The following ROBO1 variants were observed in gnomAD, a reference collection of about 807,000 sequenced individuals.
ROBO1 encodes the protein roundabout guidance receptor 1.
ROBO1 carries 149 observed loss-of-function variants against 195.9 expected under a neutral mutation model. The ratio of observed to expected loss-of-function variants is 0.76; its 90% confidence interval spans 0.67 to 0.87. The LOEUF (loss-of-function observed/expected upper bound fraction) is 0.87. ROBO1 is among the 40% of genes least tolerant of loss of function. ROBO1 has a pLI of 0.00. For missense variants in ROBO1, 1,933 were observed against 2,068.3 expected (o/e 0.93, Z 1.27); for synonymous variants, 816 against 733.2 (o/e 1.11, Z -1.82).
intron 4 of ROBO1, among the ~76,000 whole-genome samples, chr3:78,866,847 T>G (rs986573008): frequency 6.6e-6 from 1 of 152,222 alleles, no homozygotes; most frequent in South Asian, 2.1e-4. Flanking sequence ...AAAATAAATA[T>G]AGTCTGTAAT....
chr3:78,787,630 A>G (rs1363945976), intron 4 of ROBO1, among the ~76,000 whole-genome samples: 1 of 152,204 alleles, frequency 6.6e-6, no homozygotes, highest in Non-Finnish European at 1.5e-5. Context: ...TACCACAGCT[A>G]GTTTAAAAAT....
At chr3:79,376,685 A>C (rs2036397437) in intron 2 of ROBO1, among the ~76,000 whole-genome samples, 1 of 152,168 alleles carries the variant, frequency 6.6e-6, no homozygotes, top group South Asian at 2.1e-4. Flanking sequence ...CTCCCCAGCC[A>C]TGTAGAACTG....
chr3:78,961,105 C>T (rs1195685778), intron 3 of ROBO1, among the ~76,000 whole-genome samples: 1 of 152,172 alleles, frequency 6.6e-6, no homozygotes, highest in African/African-American at 2.4e-5. Flanking sequence ...AAAATTCCCT[C>T]TCTCTGAATT....
chr3:79,259,211 C>T (rs2082893353), intron 2 of ROBO1, among the ~76,000 whole-genome samples: 1 of 152,080 alleles, frequency 6.6e-6, no homozygotes, highest in Non-Finnish European at 1.5e-5. Flanking sequence ...GTGGTGCAAT[C>T]TTGGTTCACA....
intron 2 of ROBO1, among the ~76,000 whole-genome samples, chr3:79,352,969 T>C (rs1259471580): frequency 8.5e-5 from 13 of 152,172 alleles, no homozygotes; most frequent in Admixed American, 8.5e-4. Context: ...TGTGACTCTA[T>C]TATTATTGTA....
intron 2 of ROBO1, among the ~76,000 whole-genome samples, chr3:79,319,866 C>T (rs747723519): frequency 2.2e-4 from 33 of 152,072 alleles, no homozygotes; most frequent in African/African-American, 5.3e-4. Flanking sequence ...TAAGTTTTAT[C>T]GGCTTTATGC....
intron 3 of ROBO1, among the ~76,000 whole-genome samples, chr3:78,947,797 G>C (rs984341871): frequency 3.9e-5 from 6 of 152,042 alleles, no homozygotes; most frequent in African/African-American, 1.2e-4. Flanking sequence ...AAGAAGAAAA[G>C]AGAGAAGAAT....
chr3:79,472,545 AC>A (rs1172417188), intron 2 of ROBO1, among the ~76,000 whole-genome samples: 2 of 152,198 alleles, frequency 1.3e-5, no homozygotes, highest in African/African-American at 4.8e-5. Flanking sequence ...GAGAAGAGGT[AC>A]TACTTTGGCA....
intron 2 of ROBO1, among the ~76,000 whole-genome samples, chr3:79,504,756 A>G (rs1055106213): frequency 2.0e-5 from 3 of 152,160 alleles, no homozygotes; most frequent in Non-Finnish European, 4.4e-5. Context: ...CTTACTGCCT[A>G]GTTAACAGGC....
At chr3:79,224,680 T>C (rs1217691188) in intron 2 of ROBO1, among the ~76,000 whole-genome samples, 3 of 152,222 alleles carry the variant, frequency 2.0e-5, no homozygotes, top group Non-Finnish European at 4.4e-5. Flanking sequence ...AACTTCTTTT[T>C]TGGAATTATC....
intron 1 of ROBO1, among the ~76,000 whole-genome samples, chr3:79,601,141 C>A (rs536351952): frequency 6.6e-6 from 1 of 151,916 alleles, no homozygotes; most frequent in Non-Finnish European, 1.5e-5. Context: ...AGATGGAATT[C>A]GAAAGAACAG....
chr3:79,415,971 C>T (rs1316834689), intron 2 of ROBO1, among the ~76,000 whole-genome samples: 1 of 151,960 alleles, frequency 6.6e-6, no homozygotes, highest in Non-Finnish European at 1.5e-5. Flanking sequence ...ATGAAAAGAA[C>T]TTAATGTTCC....
chr3:79,506,981 A>C (rs931413859), intron 2 of ROBO1, among the ~76,000 whole-genome samples: 6 of 152,228 alleles, frequency 3.9e-5, no homozygotes, highest in African/African-American at 1.4e-4. Context: ...ACACACTGCC[A>C]GTGCTTTATG....
chr3:78,901,095 C>A (rs926849201), intron 4 of ROBO1, among the ~76,000 whole-genome samples: 1 of 152,162 alleles, frequency 6.6e-6, no homozygotes, highest in Non-Finnish European at 1.5e-5. Flanking sequence ...ATGGCAATGT[C>A]TCATCTGGCC....
intron 4 of ROBO1, among the ~76,000 whole-genome samples, chr3:78,825,462 A>G (rs1410934852): frequency 6.6e-6 from 1 of 152,168 alleles, no homozygotes; most frequent in East Asian, 1.9e-4. Context: ...GTCCCAACAG[A>G]ACTCTATTCG....
chr3:78,964,208 G>A (rs775878235), intron 3 of ROBO1, among the ~76,000 whole-genome samples: 52 of 152,040 alleles, frequency 3.4e-4, no homozygotes, highest in Non-Finnish European at 6.3e-4. Context: ...ATTGGATTAG[G>A]GCCCACCCTA....
chr3:79,337,682 A>G (rs531363885), intron 2 of ROBO1, among the ~76,000 whole-genome samples: 20 of 152,338 alleles, frequency 1.3e-4, no homozygotes, highest in African/African-American at 4.8e-4. Flanking sequence ...GTATAGCTAT[A>G]CTTTATCAAA....
At chr3:78,719,019 A>G (rs191397227) in intron 5 of ROBO1, among the ~76,000 whole-genome samples, 1 of 152,220 alleles carries the variant, frequency 6.6e-6, no homozygotes, top group Non-Finnish European at 1.5e-5. Context: ...CTTTATTTTA[A>G]TCCAGGCATC....
intron 8 of ROBO1, chr3:78,693,126 A>T (rs575328796): frequency 1.5e-4 from 73 of 482,246 alleles, no homozygotes; most frequent in Non-Finnish European, 2.4e-4. Context: ...ATTTAATTTC[A>T]TAAGATATAA....
Sources: gnomAD v4.1 joint callset for allele counts (sites outside exome capture counted in the v4.1 genomes callset) on GRCh38, gnomAD v4.1.1 for gene constraint, MANE v1.5 for transcripts, NCBI Gene and HGNC (gene_info 2026-07-23, HGNC 2026-07-21) for gene names.